TENT4B: variants seen among roughly 807,000 people sequenced by gnomAD.
The protein encoded by TENT4B is terminal nucleotidyltransferase 4B.
TENT4B carries 10 observed loss-of-function variants against 75.0 expected under a neutral mutation model. That is an observed-to-expected ratio of 0.13 (90% confidence interval 0.08 to 0.23). The LOEUF is 0.23. Among genes scored for constraint, TENT4B ranks in the 10% least tolerant of loss-of-function variants. The pLI, the probability that TENT4B is intolerant of heterozygous loss-of-function variation, is 1.00. For synonymous variants in TENT4B, 350 were observed against 357.7 expected (o/e 0.98, Z 0.24); for missense variants, 579 against 893.8 (o/e 0.65, Z 4.49).
chr16:50,160,275 T>C (rs926373128), intron 1 of TENT4B, among the ~76,000 whole-genome samples: 2 of 152,232 alleles, frequency 1.3e-5, no homozygotes, highest in Admixed American at 6.5e-5. Flanking sequence ...CCATTAATCA[T>C]TGGCATTTCA....
In TENT4B at chr16:50,231,011, C is replaced by T; in HGVS notation, c.*1683C>T. ...AGACCAATCAGACCATTAATGGACA[C>T]TTAGTGTAACTTTTTATAAAGAAAA... On this transcript the variant is annotated 3_prime_UTR_variant, in exon 12 of 12. Transcript: ENST00000561678. 1.0e-6 allele frequency: 1 copy of T among 983,026 alleles called. No individual in the cohort carries two copies. The highest frequency in any genetic ancestry group is 1.2e-6 in the Non-Finnish European group (1 of 827,468). 60.9% of individuals were successfully genotyped at this position (983,026 alleles called of 1,614,324 possible). A position where few individuals can be genotyped will look rare whatever the true frequency, so the allele number is the denominator to read the frequency against.
At chr16:50,226,615 A>G (rs922930467) in intron 10 of TENT4B, among the ~76,000 whole-genome samples, 1 of 151,742 alleles carries the variant, frequency 6.6e-6, no homozygotes, top group Admixed American at 6.6e-5. Context: ...TTTTTAGTAG[A>G]GCCAGGGTTT....
chr16:50,182,394 CTAAAA>C (rs1036378871), intron 1 of TENT4B, among the ~76,000 whole-genome samples: 13 of 152,188 alleles, frequency 8.5e-5, no homozygotes, highest in Non-Finnish European at 7.4e-5. Context: ...TTCAACTTGA[CTAAAA>C]TATTAACTCC....
At chr16:50,206,912 T>TG (rs981861446) in intron 1 of TENT4B, among the ~76,000 whole-genome samples, 10 of 151,226 alleles carry the variant, frequency 6.6e-5, no homozygotes, top group South Asian at 2.1e-4. Flanking sequence ...GAAGTTTGTT[T>TG]TTTTTTTTTA....
At position 50,229,444 on chromosome 16, in the gene TENT4B, A is replaced by T. The variant is rs920905008; in HGVS notation, c.*116A>T. The T allele has an allele frequency of 7.5e-7, 1 of 1,340,076 alleles. No homozygotes were observed. Among genetic ancestry groups the T allele is most frequent in the African/African-American group, 1.5e-5 (1 of 66,156 alleles). The allele number at this position is 1,340,076 out of a possible 1,614,324, so 83.0% of individuals were successfully genotyped here. On this transcript the variant is annotated 3_prime_UTR_variant, in exon 12 of 12. Transcript: ENST00000561678. ...CACACTGTTCAGACGTTGACTTAGC[A>T]ACTGCGTTTTTTCCCAGCTCGCCAC...
In TENT4B at chr16:50,211,458, C is replaced by T. The variant is rs764147738; in HGVS notation, c.762+12C>T. The T allele has an allele frequency of 1.3e-5, 21 of 1,560,466 alleles. No individual in the cohort carries two copies. In the South Asian group the frequency reaches 2.3e-4, roughly 17 times the overall value. ...GGCCCAGCGCTGACGTGAGTCCCTT[C>T]CTGGGTAGCTTATGCTTCGGACAGT... On this transcript the variant is annotated intron_variant, in intron 2 of 11. Coordinates refer to ENST00000561678, the MANE Select transcript of TENT4B (RefSeq NM_001365324.3).
intron 11 of TENT4B, 116 bp from the exon 12 acceptor site, chr16:50,229,036 G>C (rs1322914276): frequency 6.6e-7 from 1 of 1,511,208 alleles, no homozygotes; most frequent in Admixed American, 2.6e-5. Flanking sequence ...GATCAGTAAG[G>C]TAACAATCTA....
chr16:50,164,394 C>T (rs1446589370), intron 1 of TENT4B, among the ~76,000 whole-genome samples: 1 of 151,912 alleles, frequency 6.6e-6, no homozygotes, highest in Admixed American at 6.6e-5. Flanking sequence ...ACTGCAAGCC[C>T]CGCCACCCAA....
chr16:50,169,247 A>G (rs537156191), intron 1 of TENT4B, among the ~76,000 whole-genome samples: 3 of 152,228 alleles, frequency 2.0e-5, no homozygotes, highest in Non-Finnish European at 4.4e-5. Context: ...GAAGAAACCA[A>G]GCGTTGTTTC....
At position 50,217,659 on chromosome 16, in the gene TENT4B, C is replaced by G; in HGVS notation, c.1034C>G (p.Thr345Ser). Reference protein sequence around the residue: ...VRAADLIKDFTKKYPVLPYLV... With the variant: ...VRAADLIKDFSKKYPVLPYLV... ...GCAGCTGACCTCATCAAAGATTTTACCAAGGTCAGAGAATTTAGCGTTTAT... is the reference window on the plus strand; with the variant it reads ...GCAGCTGACCTCATCAAAGATTTTAGCAAGGTCAGAGAATTTAGCGTTTAT... Residue 345 changes from threonine to serine, a missense_variant, in exon 5 of 12, where the codon ACC becomes AGC. Physicochemically the swap from Thr to Ser is moderately conservative, Grantham distance 58. Transcript: ENST00000561678. 6.6e-7 allele frequency: 1 copy of G among 1,512,092 alleles called. No individual in the cohort carries two copies. The highest frequency in any genetic ancestry group is 8.9e-7 in the Non-Finnish European group (1 of 1,128,272). 93.7% of individuals were successfully genotyped at this position (1,512,092 alleles called of 1,614,324 possible). A position where few individuals can be genotyped will look rare whatever the true frequency, so the allele number is the denominator to read the frequency against.
At chr16:50,187,924 T>G (rs1296285313) in intron 1 of TENT4B, among the ~76,000 whole-genome samples, 1 of 152,096 alleles carries the variant, frequency 6.6e-6, no homozygotes, top group East Asian at 1.9e-4. Flanking sequence ...CTTGTATGCA[T>G]TCTTTTCTTT....
chr16:50,188,338 C>T (rs2038575003), intron 1 of TENT4B, among the ~76,000 whole-genome samples: 1 of 152,160 alleles, frequency 6.6e-6, no homozygotes, highest in African/African-American at 2.4e-5. Flanking sequence ...GTGCCTTCTG[C>T]CCTTCGCTTG....
intron 1 of TENT4B, among the ~76,000 whole-genome samples, chr16:50,205,016 T>A (rs568275275): frequency 6.6e-6 from 1 of 152,356 alleles, no homozygotes; most frequent in South Asian, 2.1e-4. Flanking sequence ...TCTGCAAGGC[T>A]AGATTATTAG....
rs1350540866 is a variant in TENT4B, at chr16:50,230,047, T to C, written c.*719T>C. The stretch of plus-strand genomic sequence containing the variant: ...CATTGAAATGACTTAATAGAACCCT[T>C]GTGTCCTGCTGCAAAAATTTTTCCT... On this transcript the variant is annotated 3_prime_UTR_variant, in exon 12 of 12. Coordinates refer to ENST00000561678, the MANE Select transcript of TENT4B (RefSeq NM_001365324.3). 2.0e-6 allele frequency: 2 copies of C among 985,090 alleles called. No homozygotes were observed. Among genetic ancestry groups the C allele is most frequent in the African/African-American group, 3.5e-5 (2 of 57,184 alleles). The allele number at this position is 985,090 out of a possible 1,614,324, so 61.0% of individuals were successfully genotyped here. A position where few individuals can be genotyped will look rare whatever the true frequency, so the allele number is the denominator to read the frequency against.
intron 5 of TENT4B, 58 bp downstream of exon 5, chr16:50,217,721 G>T (rs2031629389): frequency 1.9e-6 from 2 of 1,033,430 alleles, no homozygotes; most frequent in Non-Finnish European, 2.8e-6. Flanking sequence ...TTAAGATTCT[G>T]TTGTGGTGGT....
chr16:50,206,921 T>TC (rs2031010424), intron 1 of TENT4B, among the ~76,000 whole-genome samples: 1 of 151,646 alleles, frequency 6.6e-6, no homozygotes, highest in Non-Finnish European at 1.5e-5. Flanking sequence ...TTTTTTTTTT[T>TC]AACCTAAATT....
At chr16:50,226,610 A>G (rs952250960) in intron 10 of TENT4B, among the ~76,000 whole-genome samples, 9 of 151,724 alleles carry the variant, frequency 5.9e-5, no homozygotes, top group Non-Finnish European at 5.9e-5. Context: ...TTGTATTTTT[A>G]GTAGAGCCAG....
chr16:50,229,734 T>C lies in TENT4B; in HGVS notation c.*406T>C, dbSNP rs934038693. On this transcript the variant is annotated 3_prime_UTR_variant, in exon 12 of 12. Transcript: ENST00000561678. Reference sequence around the variant, plus strand: ...ATGAGGTGGGGAAGGAAAACAAAGGTATCTGATAGGAAGTCCAGATTCCAA... The same window carrying C: ...ATGAGGTGGGGAAGGAAAACAAAGGCATCTGATAGGAAGTCCAGATTCCAA... 7.1e-6 allele frequency: 7 copies of C among 988,262 alleles called. No individual in the cohort carries two copies. In the African/African-American group the frequency reaches 1.0e-4, roughly 15 times the overall value. 61.2% of individuals were successfully genotyped at this position (988,262 alleles called of 1,614,324 possible).
intron 5 of TENT4B, 39 bp from the exon 6 acceptor site, chr16:50,222,267 G>C: frequency 6.5e-7 from 1 of 1,539,566 alleles, no homozygotes; most frequent in East Asian, 2.4e-5. Context: ...ATCTGTTGCT[G>C]ATACAGGAAT....
Sources: allele counts gnomAD v4.1 joint callset (sites outside exome capture counted in the v4.1 genomes callset), GRCh38; gene constraint gnomAD v4.1.1; transcripts MANE v1.5; gene names NCBI Gene and HGNC (gene_info 2026-07-23, HGNC 2026-07-21).